The following GRIA4 variants were observed in gnomAD, a reference collection of about 807,000 sequenced individuals.
GRIA4 encodes the protein glutamate receptor 4.
In GRIA4, 34 loss-of-function variants were observed where a neutral mutation model predicts 104.0. That is an observed-to-expected ratio of 0.33 (90% CI 0.25 to 0.44). GRIA4 has a LOEUF of 0.44. GRIA4 is among the 20% of genes least tolerant of loss of function. The probability of loss-of-function intolerance (pLI) is 1.00; values close to 1 mark genes in which losing one functional copy is unlikely to be tolerated. For missense variants in GRIA4, 750 were observed against 1,096.5 expected (o/e 0.68, Z 4.46); for synonymous variants, 386 against 381.9 (o/e 1.01, Z -0.13).
chr11:105,832,221 T>C (rs1944002339), intron 4 of GRIA4, among the ~76,000 whole-genome samples: 2 of 152,038 alleles, frequency 1.3e-5, no homozygotes, highest in Admixed American at 1.3e-4. Flanking sequence ...TTGACATATA[T>C]CTGCTGGAAT....
intron 3 of GRIA4, among the ~76,000 whole-genome samples, chr11:105,713,233 A>T (rs1308732354): frequency 1.3e-5 from 2 of 151,986 alleles, no homozygotes; most frequent in Admixed American, 6.6e-5. Flanking sequence ...AAATACAAAA[A>T]TTAGCTGGGC....
chr11:105,803,967 C>G (rs1942836691), intron 4 of GRIA4, among the ~76,000 whole-genome samples: 1 of 147,940 alleles, frequency 6.8e-6, no homozygotes, highest in African/African-American at 2.5e-5. Context: ...TGAAAAAAAA[C>G]AAAAGGTAAA....
rs187189801 is a variant in GRIA4 at position 105,911,925 on chromosome 11, T to C, written c.1269+1380T>C. On this transcript the variant is annotated intron_variant, in intron 10 of 16. Transcript: ENST00000282499. ...AGAAATTGATCAAGAAAGAAAAGAG[T>C]TCCGCGCTGTTCGACCATTCCTAAC... The C allele has an allele frequency of 2.0e-4, 304 of 1,553,042 alleles. No individual in the cohort carries two copies. The African/African-American group carries it at 3.6e-3, about 18-fold the overall frequency.
chr11:105,612,437 A>G lies in GRIA4; in HGVS notation c.247+3A>G. 6.2e-7 allele frequency: 1 copy of G among 1,613,104 alleles called. No individual in the cohort carries two copies. Among genetic ancestry groups the G allele is most frequent in the East Asian group, 2.2e-5 (1 of 44,866 alleles). On this transcript the variant is annotated splice_donor_region_variant and intron_variant, in intron 3 of 16. Coordinates refer to ENST00000282499, the MANE Select transcript of GRIA4 (RefSeq NM_000829.4). ...CAGTTTTGCTGTAACAAACGCCTGT[A>G]AGTAAAACATAAGCTATGAAAAATT...
At chr11:105,838,804 C>T (rs1591329656) in intron 4 of GRIA4, among the ~76,000 whole-genome samples, 4 of 152,118 alleles carry the variant, frequency 2.6e-5, no homozygotes, top group South Asian at 4.1e-4. Flanking sequence ...ATTGCTACCT[C>T]GCAAGTCAAC....
At chr11:105,815,417 CT>C (rs1943335868) in intron 4 of GRIA4, among the ~76,000 whole-genome samples, 4 of 152,082 alleles carry the variant, frequency 2.6e-5, no homozygotes, top group Admixed American at 2.6e-4. Context: ...ACTCTATTAT[CT>C]AATGGAAAGG....
chr11:105,723,515 G>A (rs1374083998), intron 3 of GRIA4, among the ~76,000 whole-genome samples: 1 of 152,136 alleles, frequency 6.6e-6, no homozygotes, highest in East Asian at 1.9e-4. Flanking sequence ...TGGAGAGTTA[G>A]GATGTCTAAA....
chr11:105,824,474 C>T (rs1023096103), intron 4 of GRIA4, among the ~76,000 whole-genome samples: 3 of 152,052 alleles, frequency 2.0e-5, no homozygotes, highest in East Asian at 3.9e-4. Flanking sequence ...GTTGCTTCCC[C>T]AATATTCACA....
intron 4 of GRIA4, among the ~76,000 whole-genome samples, chr11:105,831,132 T>C (rs960996402): frequency 5.9e-5 from 9 of 152,190 alleles, no homozygotes; most frequent in African/African-American, 2.2e-4. Flanking sequence ...ATTTGGGTAC[T>C]TGACTGGGAT....
intron 4 of GRIA4, among the ~76,000 whole-genome samples, chr11:105,856,065 T>G (rs1944998635): frequency 6.6e-6 from 1 of 152,180 alleles, no homozygotes; most frequent in Non-Finnish European, 1.5e-5. Context: ...ATCACTAAGC[T>G]GATTTATTCT....
intron 3 of GRIA4, chr11:105,707,743 G>A (rs973420050): frequency 2.6e-5 from 4 of 152,196 alleles, no homozygotes; most frequent in Non-Finnish European, 4.4e-5. Flanking sequence ...GCTATGTTTG[G>A]AGATTCTCCG....
chr11:105,878,507 G>C (rs187620866), intron 5 of GRIA4, among the ~76,000 whole-genome samples: 119 of 152,310 alleles, frequency 7.8e-4, no homozygotes, highest in Non-Finnish European at 6.3e-4. Flanking sequence ...TGCTGAAGCT[G>C]TGCCCACAGC....
At chr11:105,806,343 GA>G (rs1412998231) in intron 4 of GRIA4, among the ~76,000 whole-genome samples, 2 of 151,832 alleles carry the variant, frequency 1.3e-5, no homozygotes, top group African/African-American at 2.4e-5. Flanking sequence ...AGAACAGAGA[GA>G]TAGAACAAAG....
At chr11:105,725,441 C>A (rs1938133164) in intron 3 of GRIA4, among the ~76,000 whole-genome samples, 1 of 152,116 alleles carries the variant, frequency 6.6e-6, no homozygotes, top group African/African-American at 2.4e-5. Flanking sequence ...GACTCTCCCA[C>A]CTGGAATTCA....
chr11:105,669,252 T>G (rs1168386997), intron 3 of GRIA4, among the ~76,000 whole-genome samples: 1 of 151,990 alleles, frequency 6.6e-6, no homozygotes, highest in Admixed American at 6.6e-5. Context: ...GTGTACCAGC[T>G]TTACACCAGT....
At chr11:105,683,446 T>C (rs1159342567) in intron 3 of GRIA4, among the ~76,000 whole-genome samples, 1 of 152,092 alleles carries the variant, frequency 6.6e-6, no homozygotes, top group Non-Finnish European at 1.5e-5. Flanking sequence ...AGCTTAAACT[T>C]AACCAAGGCT....
intron 6 of GRIA4, among the ~76,000 whole-genome samples, chr11:105,894,175 A>G (rs565234655): frequency 1.8e-4 from 28 of 152,204 alleles, no homozygotes; most frequent in Admixed American, 8.5e-4. Context: ...GGGCTTTTCG[A>G]GGGGAAACAG....
Position 105,641,403 on chromosome 11 carries a change from T to G in GRIA4, c.247+28969T>G, listed in dbSNP as rs913647013. ...CTCATGCTCCTTATAGCAGTTACTGTAGCAGAAACTTGGGAATAATTTTTC... is the reference window on the plus strand; with the variant it reads ...CTCATGCTCCTTATAGCAGTTACTGGAGCAGAAACTTGGGAATAATTTTTC... On this transcript the variant is annotated intron_variant, in intron 3 of 16. Transcript: ENST00000282499. Among the ~76,000 whole-genome samples, 4 of 152,320 alleles carry G rather than the reference T, an allele frequency of 2.6e-5. No individual in the cohort carries two copies. In the East Asian group the frequency reaches 5.8e-4, roughly 22 times the overall value.
At chr11:105,911,153 A>C (rs1268779708) in intron 10 of GRIA4, among the ~76,000 whole-genome samples, 1 of 152,092 alleles carries the variant, frequency 6.6e-6, no homozygotes, top group African/African-American at 2.4e-5. Flanking sequence ...CTCATTAACC[A>C]GTGAGAAGTA....
Sources: gnomAD v4.1 joint callset for allele counts (sites outside exome capture counted in the v4.1 genomes callset) on GRCh38, gnomAD v4.1.1 for gene constraint, MANE v1.5 for transcripts, NCBI Gene and HGNC (gene_info 2026-07-23, HGNC 2026-07-21) for gene names.